The following LY6G5C variants were observed in gnomAD, a reference collection of about 807,000 sequenced individuals.
The protein encoded by LY6G5C is lymphocyte antigen 6 family member G5C.
LY6G5C carries 6 observed loss-of-function variants against 10.5 expected under a neutral mutation model. The observed-to-expected ratio is 0.57, with a 90% CI of 0.31 to 1.12. LY6G5C has a LOEUF of 1.12. LY6G5C is among the 50% of genes most tolerant of loss of function. The pLI is 0.05. For synonymous variants in LY6G5C, 69 were observed against 67.8 expected, an observed-to-expected ratio of 1.02 and a Z score of -0.09; for missense variants, 160 against 185.5, an observed-to-expected ratio of 0.86 and a Z score of 0.80.
chr6:31,680,192 G>T lies in LY6G5C; in HGVS notation c.121+61C>A. The T allele has an allele frequency of 1.3e-6, 2 of 1,593,342 alleles. No individual in the cohort carries two copies. The highest frequency in any genetic ancestry group is 2.2e-5 in the South Asian group (2 of 90,616). On this transcript the variant is annotated intron_variant, in intron 1 of 2. Coordinates refer to ENST00000383237, the Ensembl canonical transcript of LY6G5C. The surrounding 1 kb of genome is among the most constrained non-coding windows in gnomAD (Gnocchi z 4.5). ...CCTGGACAGGTGTACCCAGACACTT[G>T]GTGTCTGTGGGTTTCTCCATCCAGG...
rs1802768060 is a variant in LY6G5C at position 31,679,536 on chromosome 6, T to C, written c.122-268A>G. On this transcript the variant is annotated intron_variant, in intron 1 of 2. Coordinates refer to ENST00000383237, the Ensembl canonical transcript of LY6G5C. The surrounding 1 kb of genome is among the most constrained non-coding windows in gnomAD (Gnocchi z 4.4). ...AGAGGAAAGTGCTAAACCAACACTT[T>C]GAATCCTGTGTCTCTGTGGCTGGTG... is the stretch of plus-strand genomic sequence containing the variant. 4 of 528,200 alleles carry C rather than the reference T, an allele frequency of 7.6e-6. No homozygotes were observed. The highest frequency in any genetic ancestry group is 4.9e-4 in the Middle Eastern group (1 of 2,034). 32.7% of individuals were successfully genotyped at this position (528,200 alleles called of 1,614,324 possible).
At chr6:31,678,285 G>A (rs1583635971) in intron 2 of LY6G5C, among the ~76,000 whole-genome samples, 1 of 152,180 alleles carries the variant, frequency 6.6e-6, no homozygotes, top group Non-Finnish European at 1.5e-5. Flanking sequence ...AGTGGTCAAC[G>A]GGATATGAGG....
At position 31,679,534 on chromosome 6, in the gene LY6G5C, T is replaced by G. The variant is rs1218164684; in HGVS notation, c.122-266A>C. 7.6e-6 allele frequency: 4 copies of G among 529,588 alleles called. No homozygotes were observed. In the African/African-American group the frequency reaches 7.6e-5, roughly 10 times the overall value. The allele number at this position is 529,588 out of a possible 1,614,324, so 32.8% of individuals were successfully genotyped here. ...GCAGAGGAAAGTGCTAAACCAACAC[T>G]TTGAATCCTGTGTCTCTGTGGCTGG... On this transcript the variant is annotated intron_variant, in intron 1 of 2. Coordinates refer to ENST00000383237, the Ensembl canonical transcript of LY6G5C. This position sits in a 1 kb window ranked among gnomAD's most constrained non-coding sequence, Gnocchi z 4.4.
intron 2 of LY6G5C, among the ~76,000 whole-genome samples, chr6:31,677,571 G>A (rs1434766820): frequency 6.6e-6 from 1 of 152,196 alleles, no homozygotes; most frequent in East Asian, 1.9e-4. Context: ...TGCCCTGCTT[G>A]AGAGAAATGA....
Position 31,680,113 on chromosome 6 carries a change from C to T in LY6G5C, c.121+140G>A, listed in dbSNP as rs750076368. 1.4e-5 allele frequency: 13 copies of T among 908,212 alleles called. No homozygotes were observed. The highest frequency in any genetic ancestry group is 8.4e-5 in the South Asian group (6 of 71,108). 56.3% of individuals were successfully genotyped at this position (908,212 alleles called of 1,614,324 possible). ...GCACATCAGTCCATGAGCAGGCATT[C>T]CCTACCAAACCCATCTGTCCCATCT... On this transcript the variant is annotated intron_variant, in intron 1 of 2. Coordinates refer to ENST00000383237, the Ensembl canonical transcript of LY6G5C. The surrounding 1 kb of genome is among the most constrained non-coding windows in gnomAD (Gnocchi z 4.5).
At chr6:31,677,747 C>T (rs986930364) in intron 2 of LY6G5C, among the ~76,000 whole-genome samples, 1 of 152,058 alleles carries the variant, frequency 6.6e-6, no homozygotes, top group African/African-American at 2.4e-5. Context: ...TGGGATGCTA[C>T]TATCTTGGGT....
chr6:31,680,403 A>G, upstream of LY6G5C: 1 of 1,596,688 alleles, frequency 6.3e-7, no homozygotes. This position sits in a 1 kb window ranked among gnomAD's most constrained non-coding sequence, Gnocchi z 4.5. Context: ...GTTTGGGCTT[A>G]TATTGGTGGA....
At chr6:31,680,879 C>T (rs1802851892), upstream of LY6G5C, among the ~76,000 whole-genome samples, 1 of 152,044 alleles carries the variant, frequency 6.6e-6, no homozygotes, top group Admixed American at 6.6e-5. This position sits in a 1 kb window ranked among gnomAD's most constrained non-coding sequence, Gnocchi z 4.5. Flanking sequence ...TTCCCGAGTC[C>T]GGTCACAAGA....
rs765980162 is a variant in LY6G5C at position 31,680,148 on chromosome 6, C to T, written c.121+105G>A. On this transcript the variant is annotated intron_variant, in intron 1 of 2. Coordinates refer to ENST00000383237, the Ensembl canonical transcript of LY6G5C. The surrounding 1 kb of genome is among the most constrained non-coding windows in gnomAD (Gnocchi z 4.5). ...CCCATCTGTCCCATCTCTCCTCCTGCATGGGTTTACCTGAGCATCCTGGAC... is the reference window on the plus strand; with the variant it reads ...CCCATCTGTCCCATCTCTCCTCCTGTATGGGTTTACCTGAGCATCCTGGAC... 2.9e-6 allele frequency: 4 copies of T among 1,376,662 alleles called. No individual in the cohort carries two copies. The highest frequency in any genetic ancestry group is 2.8e-5 in the African/African-American group (2 of 70,326). The allele number at this position is 1,376,662 out of a possible 1,614,324, so 85.3% of individuals were successfully genotyped here.
chr6:31,680,125 C>A lies in LY6G5C; in HGVS notation c.121+128G>T. 9.3e-7 allele frequency: 1 copy of A among 1,070,582 alleles called. No homozygotes were observed. Among genetic ancestry groups the A allele is most frequent in the South Asian group, 1.3e-5 (1 of 76,272 alleles). 66.3% of individuals were successfully genotyped at this position (1,070,582 alleles called of 1,614,324 possible). On this transcript the variant is annotated intron_variant, in intron 1 of 2. Transcript: ENST00000383237. This position sits in a 1 kb window ranked among gnomAD's most constrained non-coding sequence, Gnocchi z 4.5. Reference sequence around the variant, plus strand: ...ATGAGCAGGCATTCCCTACCAAACCCATCTGTCCCATCTCTCCTCCTGCAT... The same window carrying A: ...ATGAGCAGGCATTCCCTACCAAACCAATCTGTCCCATCTCTCCTCCTGCAT...
chr6:31,677,099 A>G, exon 3 of LY6G5C: 1 of 1,612,882 alleles, frequency 6.2e-7, no homozygotes, highest in African/African-American at 1.3e-5. Flanking sequence ...GCAGTCACTC[A>G]CCATGACGTC....
At chr6:31,677,177 CCT>C in intron 2 of LY6G5C, 57 bp from the exon 3 acceptor site, 3 of 1,540,980 alleles carry the variant, frequency 1.9e-6, no homozygotes, top group Non-Finnish European at 1.8e-6. Context: ...AGCCCCAAAT[CCT>C]CTCATCCCCA....
At chr6:31,677,390 T>C (rs1400007118) in intron 2 of LY6G5C, among the ~76,000 whole-genome samples, 1 of 151,994 alleles carries the variant, frequency 6.6e-6, no homozygotes, top group Non-Finnish European at 1.5e-5. Flanking sequence ...CATAGGACCA[T>C]GTGAGAAAAA....
At chr6:31,680,430 A>G, upstream of LY6G5C, 1 of 1,560,160 alleles carries the variant, frequency 6.4e-7, no homozygotes. This position sits in a 1 kb window ranked among gnomAD's most constrained non-coding sequence, Gnocchi z 4.5. Context: ...GTTGGCCAAG[A>G]GGAAGGAGAG....
At chr6:31,677,857 AGTG>A (rs1045519688) in intron 2 of LY6G5C, among the ~76,000 whole-genome samples, 1 of 152,186 alleles carries the variant, frequency 6.6e-6, no homozygotes, top group Non-Finnish European at 1.5e-5. Context: ...AAGTAAAAAA[AGTG>A]GTCACATGTG....
At chr6:31,678,120 C>T (rs1802681167) in intron 2 of LY6G5C, among the ~76,000 whole-genome samples, 1 of 152,144 alleles carries the variant, frequency 6.6e-6, no homozygotes, top group South Asian at 2.1e-4. Flanking sequence ...CTGTAAAATG[C>T]ACATAGTAAT....
chr6:31,678,214 T>TG (rs1802686582), intron 2 of LY6G5C, among the ~76,000 whole-genome samples: 2 of 152,026 alleles, frequency 1.3e-5, no homozygotes, highest in East Asian at 1.9e-4. Context: ...TTAAGAAAGG[T>TG]GGGGGGTCGG....
chr6:31,680,068 T>G lies in LY6G5C; in HGVS notation c.121+185A>C. On this transcript the variant is annotated intron_variant, in intron 1 of 2. Coordinates refer to ENST00000383237, the Ensembl canonical transcript of LY6G5C. This position sits in a 1 kb window ranked among gnomAD's most constrained non-coding sequence, Gnocchi z 4.5. ...TCTCAAAAATAATAATAATAATAAA[T>G]TTTTAAAAATCTTCAGATTGCACAT... 1 of 592,552 alleles carries G rather than the reference T, an allele frequency of 1.7e-6. No homozygotes were observed. Among genetic ancestry groups the G allele is most frequent in the South Asian group, 2.2e-5 (1 of 44,728 alleles). The allele number at this position is 592,552 out of a possible 1,614,324, so 36.7% of individuals were successfully genotyped here. A position where few individuals can be genotyped will look rare whatever the true frequency, so the allele number is the denominator to read the frequency against.
In LY6G5C at chr6:31,680,355, G is replaced by T. The variant is rs557132053; in HGVS notation, c.19C>A (p.Pro7Thr). The change falls in exon 1 of 3, where the codon CCT becomes ACT. Residue 7 changes from proline to threonine, a missense_variant. Pro to Thr is a conservative substitution (Grantham distance 38). Coordinates refer to ENST00000383237, the Ensembl canonical transcript of LY6G5C. The surrounding 1 kb of genome is among the most constrained non-coding windows in gnomAD (Gnocchi z 4.5). ...GGACCCAGACTCTGGCTCCCTGCAG[G>T]GCCTGCCATAAAACGCATGACTGCC... 6.6e-7 allele frequency: 1 copy of T among 1,508,766 alleles called. No homozygotes were observed. The highest frequency in any genetic ancestry group is 2.0e-5 in the Admixed American group (1 of 49,382). The allele number at this position is 1,508,766 out of a possible 1,614,324, so 93.5% of individuals were successfully genotyped here. A position where few individuals can be genotyped will look rare whatever the true frequency, so the allele number is the denominator to read the frequency against.
Sources: gnomAD v4.1 joint callset for allele counts (sites outside exome capture counted in the v4.1 genomes callset) on GRCh38, gnomAD v4.1.1 for gene constraint, Gnocchi (gnomAD v3.1) non-coding constraint, MANE v1.5 for transcripts, NCBI Gene and HGNC (gene_info 2026-07-23, HGNC 2026-07-21) for gene names.